Variants in AKAP6 observed in about 807,000 individuals in gnomAD.
AKAP6 encodes the protein A-kinase anchoring protein 6, also known as A-kinase anchor protein 6.
Under a neutral mutation model 188.5 loss-of-function variants are expected in AKAP6, and 58 were observed. The observed-to-expected ratio is 0.31, with a 90% CI of 0.25 to 0.38. The LOEUF (loss-of-function observed/expected upper bound fraction) is 0.38, where lower values mean the gene tolerates loss of function less well. Ranked by LOEUF, AKAP6 falls within the 10% of genes least tolerant of loss-of-function variation. The probability of loss-of-function intolerance (pLI) is 1.00; values close to 1 mark genes in which losing one functional copy is unlikely to be tolerated. For missense variants in AKAP6, 2,710 were observed against 2,740.0 expected (o/e 0.99, Z 0.24); for synonymous variants, 989 against 998.6 (o/e 0.99, Z 0.18).
intron 1 of AKAP6, among the ~76,000 whole-genome samples, chr14:32,353,627 G>A (rs1887369936): frequency 6.6e-6 from 1 of 152,086 alleles, no homozygotes; most frequent in Non-Finnish European, 1.5e-5. Context: ...GCAGGAGAAA[G>A]AAATAAAGGA....
intron 2 of AKAP6, among the ~76,000 whole-genome samples, chr14:32,477,444 T>A (rs1335883020): frequency 6.6e-6 from 1 of 152,022 alleles, no homozygotes; most frequent in Non-Finnish European, 1.5e-5. Context: ...GGGTCCTGGG[T>A]CCATCTTATA....
chr14:32,732,856 T>C, intron 10 of AKAP6: 1 of 602,842 alleles, frequency 1.7e-6, no homozygotes, highest in Non-Finnish European at 2.9e-6. Context: ...AAGTAAAATA[T>C]GCCATGTATT....
rs1286298738 is a variant in AKAP6 at position 32,834,692 on chromosome 14, A to T, written c.*4887A>T. 2 of 151,924 alleles carry T rather than the reference A, an allele frequency of 1.3e-5. No individual in the cohort carries two copies. The highest frequency in any genetic ancestry group is 3.9e-4 in the East Asian group (2 of 5,170). The allele number at this position is 151,924 out of a possible 1,614,324, so 9.4% of individuals were successfully genotyped here. ...GGTCTAGTTGTTTTCTCATTGTTAAACTCAGGGTAAACTTTTTTTTGTCAA... is the reference window on the plus strand; with the variant it reads ...GGTCTAGTTGTTTTCTCATTGTTAATCTCAGGGTAAACTTTTTTTTGTCAA... On this transcript the variant is annotated 3_prime_UTR_variant, in exon 14 of 14. Coordinates refer to ENST00000280979, the MANE Select transcript of AKAP6 (RefSeq NM_004274.5).
rs750926633 is a variant in AKAP6, at chr14:32,822,400, G to A, written c.4587G>A (p.Leu1529=). ...QPDVPPHERI[L]ASASHEMDRI... The stretch of plus-strand genomic sequence containing the variant: ...ATGTACCTCCCCATGAAAGGATTTT[G>A]GCAAGTGCATCTCATGAAATGGATC... Residue 1529 remains leucine (L), a synonymous_variant, in exon 13 of 14, where the codon TTG becomes TTA. Coordinates refer to ENST00000280979, the MANE Select transcript of AKAP6 (RefSeq NM_004274.5). 8 of 1,613,986 alleles carry A rather than the reference G, an allele frequency of 5.0e-6. No homozygotes were observed. Among genetic ancestry groups the A allele is most frequent in the Non-Finnish European group, 6.8e-6 (8 of 1,179,940 alleles).
intron 7 of AKAP6, among the ~76,000 whole-genome samples, chr14:32,611,027 A>G (rs1354226976): frequency 6.6e-6 from 1 of 152,178 alleles, no homozygotes; most frequent in Non-Finnish European, 1.5e-5. Context: ...ATGAATTAGG[A>G]AACTACTACA....
At chr14:32,553,644 TAAG>T (rs1268578390) in intron 4 of AKAP6, among the ~76,000 whole-genome samples, 1 of 152,232 alleles carries the variant, frequency 6.6e-6, no homozygotes, top group Non-Finnish European at 1.5e-5. Flanking sequence ...ACATATTTTT[TAAG>T]AAGGCCTTTA....
chr14:32,543,713 G>A (rs1956226), intron 3 of AKAP6, among the ~76,000 whole-genome samples: 34,407 of 152,060 alleles, frequency 0.23, 4,411 homozygotes, highest in African/African-American at 0.34. Context: ...TGTGGAAAAC[G>A]AATTGGAGGT....
At chr14:32,430,277 G>A (rs962810172) in intron 1 of AKAP6, among the ~76,000 whole-genome samples, 8 of 152,092 alleles carry the variant, frequency 5.3e-5, no homozygotes, top group Non-Finnish European at 1.0e-4. Context: ...ATCTAGTTCC[G>A]TTTTGTCATT....
intron 11 of AKAP6, among the ~76,000 whole-genome samples, chr14:32,759,814 C>T (rs565053601): frequency 2.0e-5 from 3 of 152,132 alleles, no homozygotes; most frequent in South Asian, 2.1e-4. Flanking sequence ...AGCACCAAAT[C>T]GTGAGGGATC....
At chr14:32,539,477 G>T (rs1183473741) in intron 3 of AKAP6, among the ~76,000 whole-genome samples, 1 of 152,088 alleles carries the variant, frequency 6.6e-6, no homozygotes, top group Non-Finnish European at 1.5e-5. Context: ...ATATTCATCT[G>T]TGTATCTCCC....
At chr14:32,407,114 G>A (rs1467352025) in intron 1 of AKAP6, among the ~76,000 whole-genome samples, 2 of 151,976 alleles carry the variant, frequency 1.3e-5, no homozygotes, top group African/African-American at 2.4e-5. Flanking sequence ...ATCTTCCTAC[G>A]TCCACATGTC....
In AKAP6 at chr14:32,812,978, T is replaced by C. The variant is rs150496628; in HGVS notation, c.3589-8424T>C. Among the ~76,000 whole-genome samples, 114 of 152,276 alleles carry C rather than the reference T, an allele frequency of 7.5e-4. 1 individual carries two copies. In the Middle Eastern group the frequency reaches 0.014, roughly 18 times the overall value. ...TGGACATGAGCTGGGTGTTCTACTA[T>C]TTAATCCAACTTTGACAGTGTCTAT... is the stretch of plus-strand genomic sequence containing the variant. On this transcript the variant is annotated intron_variant, in intron 12 of 13. Coordinates refer to ENST00000280979, the MANE Select transcript of AKAP6 (RefSeq NM_004274.5).
intron 2 of AKAP6, among the ~76,000 whole-genome samples, chr14:32,453,623 G>T (rs1240471991): frequency 1.1e-5 from 1 of 87,714 alleles, no homozygotes; most frequent in Non-Finnish European, 2.1e-5. Context: ...TTGAGACGGA[G>T]TCTCGTTCTG....
chr14:32,704,952 G>T (rs750614704), intron 9 of AKAP6, among the ~76,000 whole-genome samples: 3 of 152,158 alleles, frequency 2.0e-5, no homozygotes, highest in East Asian at 1.9e-4. Flanking sequence ...GGGGCTAAAA[G>T]GTACCTAGGT....
chr14:32,614,106 G>A (rs1288250561), intron 7 of AKAP6, among the ~76,000 whole-genome samples: 1 of 152,128 alleles, frequency 6.6e-6, no homozygotes. Flanking sequence ...ACAGGACAAA[G>A]AGAACAGTAA....
chr14:32,331,388 C>T (rs993176262), intron 1 of AKAP6, among the ~76,000 whole-genome samples: 5 of 151,852 alleles, frequency 3.3e-5, no homozygotes, highest in African/African-American at 1.2e-4. Flanking sequence ...TGGGGAAGGG[C>T]GCTGGTGGGT....
chr14:32,508,081 A>G (rs924644447), intron 2 of AKAP6, among the ~76,000 whole-genome samples: 3 of 152,214 alleles, frequency 2.0e-5, no homozygotes, highest in African/African-American at 4.8e-5. Context: ...GACTAAAAAA[A>G]TCTCTAAGGT....
intron 9 of AKAP6, among the ~76,000 whole-genome samples, chr14:32,711,145 G>A (rs11624518): frequency 0.25 from 37,768 of 151,934 alleles, 5,306 homozygotes; most frequent in Admixed American, 0.33. Flanking sequence ...CTGCTATATT[G>A]CAGTAATATC....
Position 32,831,285 on chromosome 14 carries a change from A to T in AKAP6, c.*1480A>T, listed in dbSNP as rs929564995. ...TCCTGTTAAATGCAGTTTTAAATTTATATCGTAACACCTACTTAAGTGCCT... is the reference window on the plus strand; with the variant it reads ...TCCTGTTAAATGCAGTTTTAAATTTTTATCGTAACACCTACTTAAGTGCCT... On this transcript the variant is annotated 3_prime_UTR_variant, in exon 14 of 14. Transcript: ENST00000280979. 4 of 152,190 alleles carry T rather than the reference A, an allele frequency of 2.6e-5. No individual in the cohort carries two copies. The highest frequency in any genetic ancestry group is 4.8e-5 in the African/African-American group (2 of 41,448). 9.4% of individuals were successfully genotyped at this position (152,190 alleles called of 1,614,324 possible).
Sources: gnomAD v4.1 joint callset for allele counts (sites outside exome capture counted in the v4.1 genomes callset) on GRCh38, gnomAD v4.1.1 for gene constraint, MANE v1.5 for transcripts, NCBI Gene and HGNC (gene_info 2026-07-23, HGNC 2026-07-21) for gene names.